Variants in RANBP17 observed in about 807,000 individuals in gnomAD.
The protein encoded by RANBP17 is ran-binding protein 17.
A neutral mutation model predicts 141.2 loss-of-function variants in RANBP17; 158 were observed. That is an observed-to-expected ratio of 1.12 (90% CI 0.98 to 1.28). The LOEUF (loss-of-function observed/expected upper bound fraction) is 1.28, where lower values mean the gene tolerates loss of function less well. Ranked by LOEUF, RANBP17 falls within the 50% of genes most tolerant of loss-of-function variation. The pLI is 0.00. For synonymous variants in RANBP17, 430 were observed against 450.0 expected (o/e 0.96, Z 0.56); for missense variants, 1,438 against 1,290.7 (o/e 1.11, Z -1.75).
chr5:171,209,494 T>G (rs1157979387), intron 20 of RANBP17, among the ~76,000 whole-genome samples: 1 of 152,178 alleles, frequency 6.6e-6, no homozygotes, highest in Non-Finnish European at 1.5e-5. Context: ...CAAGCTATTT[T>G]TTTTTAGTTT....
At chr5:171,237,030 A>G (rs1173990892) in intron 22 of RANBP17, among the ~76,000 whole-genome samples, 1 of 152,202 alleles carries the variant, frequency 6.6e-6, no homozygotes, top group African/African-American at 2.4e-5. Flanking sequence ...TCCTGGAGTC[A>G]GTCACTCAGC....
At chr5:171,109,117 G>A (rs1303585842) in intron 14 of RANBP17, among the ~76,000 whole-genome samples, 1 of 152,066 alleles carries the variant, frequency 6.6e-6, no homozygotes, top group Non-Finnish European at 1.5e-5. Context: ...ACGGTATACA[G>A]GTCAAAAATG....
intron 13 of RANBP17, among the ~76,000 whole-genome samples, chr5:170,963,443 A>T (rs1426448644): frequency 6.6e-6 from 1 of 152,242 alleles, no homozygotes; most frequent in African/African-American, 2.4e-5. Context: ...AATTTTCTGC[A>T]TGAGAAAAAC....
At chr5:171,291,602 A>C (rs1203785597) in intron 25 of RANBP17, among the ~76,000 whole-genome samples, 2 of 152,166 alleles carry the variant, frequency 1.3e-5, no homozygotes, top group Non-Finnish European at 2.9e-5. Context: ...CTCCCACCAG[A>C]GATTTCATAT....
At chr5:171,101,230 C>A (rs1286846612) in intron 14 of RANBP17, among the ~76,000 whole-genome samples, 1 of 152,156 alleles carries the variant, frequency 6.6e-6, no homozygotes, top group Non-Finnish European at 1.5e-5. Context: ...GTGTGGGAGT[C>A]TAAGTCTCTT....
At chr5:171,217,002 A>G (rs1763260021) in intron 21 of RANBP17, among the ~76,000 whole-genome samples, 1 of 152,148 alleles carries the variant, frequency 6.6e-6, no homozygotes. Context: ...TTTCAAAGGG[A>G]ATGCTTCCAG....
rs545333016 is a variant in RANBP17, at chr5:171,237,503, A to G, written c.2423-3425A>G. Among the ~76,000 whole-genome samples the G allele has an allele frequency of 4.6e-5, 7 of 152,294 alleles. No individual in the cohort carries two copies. In the South Asian group the frequency reaches 1.4e-3, roughly 32 times the overall value. On this transcript the variant is annotated intron_variant, in intron 22 of 27. Transcript: ENST00000523189. ...CAGTATTCTTTTCCCCTGAGCCCCA[A>G]CATAGCCTCAGCATCTATCTTACCC...
At chr5:170,911,215 C>A in intron 7 of RANBP17, 81 bp downstream of exon 7, 1 of 1,288,976 alleles carries the variant, frequency 7.8e-7, no homozygotes, top group South Asian at 1.4e-5. Flanking sequence ...GTATAGTTAT[C>A]TTTTTGCCAG....
chr5:170,916,873 C>T (rs1032085983), intron 9 of RANBP17, among the ~76,000 whole-genome samples: 2 of 151,790 alleles, frequency 1.3e-5, no homozygotes, highest in Non-Finnish European at 2.9e-5. Context: ...GCACCCACCA[C>T]CTCTGCTAAT....
At chr5:171,265,532 A>G in intron 24 of RANBP17, 149 bp from the exon 25 acceptor site, 1 of 739,470 alleles carries the variant, frequency 1.4e-6, no homozygotes, top group Non-Finnish European at 2.2e-6. Context: ...CTCTGTCTCA[A>G]AAAAACAAAT....
In RANBP17 at chr5:171,265,798, G is replaced by A. The variant is rs570081587; in HGVS notation, c.2894G>A (p.Gly965Asp). The A allele has an allele frequency of 1.6e-5, 26 of 1,614,130 alleles. No individual in the cohort carries two copies. The African/African-American group carries it at 1.7e-4, about 11-fold the overall frequency. ...PLRCREATQA[G>D]QRLLHFMQQN... is the part of the protein sequence containing the mutation. Reference sequence around the variant, plus strand: ...CGATGCAGAGAGGCTACCCAGGCTGGTCAGAGACTATTACATTTTATGCAG... The same window carrying A: ...CGATGCAGAGAGGCTACCCAGGCTGATCAGAGACTATTACATTTTATGCAG... Residue 965 changes from glycine to aspartate, a missense_variant, in exon 25 of 28, where the codon GGT becomes GAT. Gly to Asp is a moderately conservative substitution (Grantham distance 94). Coordinates refer to ENST00000523189, the MANE Select transcript of RANBP17 (RefSeq NM_022897.5).
rs370681594 is a variant in RANBP17 at position 170,876,568 on chromosome 5, A to G, written c.19-1529A>G. On this transcript the variant is annotated intron_variant, in intron 1 of 27. Transcript: ENST00000523189. ...TGAGGTTCTTTATCTTAATCAGCCT[A>G]TTTGAAATCTTATTTTTGGACTTCT... is the stretch of plus-strand genomic sequence containing the variant. 4.5e-4 allele frequency among the ~76,000 whole-genome samples: 69 copies of G among 152,172 alleles called. 1 individual carries two copies. In the South Asian group the frequency reaches 0.013, roughly 28 times the overall value.
At chr5:170,906,986 C>G (rs1486521552) in intron 5 of RANBP17, among the ~76,000 whole-genome samples, 1 of 151,904 alleles carries the variant, frequency 6.6e-6, no homozygotes, top group Non-Finnish European at 1.5e-5. Flanking sequence ...ATGACATTTA[C>G]AGTTTCAACT....
At chr5:171,221,626 A>G in intron 21 of RANBP17, 132 bp from the exon 22 acceptor site, 1 of 650,962 alleles carries the variant, frequency 1.5e-6, no homozygotes, top group South Asian at 1.8e-5. Flanking sequence ...ACAGTTGTTT[A>G]TAAAATGGAG....
At chr5:170,941,459 A>G (rs934431408) in intron 12 of RANBP17, among the ~76,000 whole-genome samples, 1 of 152,166 alleles carries the variant, frequency 6.6e-6, no homozygotes, top group African/African-American at 2.4e-5. Context: ...CCAGAGGTCA[A>G]TAAATGAGGA....
At chr5:171,193,626 A>G (rs1410523268) in intron 18 of RANBP17, among the ~76,000 whole-genome samples, 3 of 152,206 alleles carry the variant, frequency 2.0e-5, no homozygotes, top group Non-Finnish European at 4.4e-5. Context: ...CAGGGCTCTA[A>G]GGAAGAATCT....
chr5:170,925,145 CTT>C (rs1772812959), intron 12 of RANBP17, among the ~76,000 whole-genome samples: 1 of 151,974 alleles, frequency 6.6e-6, no homozygotes. Flanking sequence ...GTAGAAAGCA[CTT>C]TATAGTTCTG....
intron 5 of RANBP17, among the ~76,000 whole-genome samples, chr5:170,908,351 A>G (rs527844513): frequency 6.6e-6 from 1 of 151,942 alleles, no homozygotes; most frequent in African/African-American, 2.4e-5. Context: ...TAATGAAATC[A>G]TGTCCTTTGC....
chr5:171,278,100 T>C (rs1166610529), intron 25 of RANBP17, among the ~76,000 whole-genome samples: 3 of 152,018 alleles, frequency 2.0e-5, no homozygotes, highest in Middle Eastern at 3.4e-3. Flanking sequence ...CTCATGCCTG[T>C]AATCTCAGCA....
Sources: gnomAD v4.1 joint callset for allele counts (sites outside exome capture counted in the v4.1 genomes callset) on GRCh38, gnomAD v4.1.1 for gene constraint, MANE v1.5 for transcripts, NCBI Gene and HGNC (gene_info 2026-07-23, HGNC 2026-07-21) for gene names.